The following NDST3 variants were observed in gnomAD, a reference collection of about 807,000 sequenced individuals.
NDST3 encodes N-deacetylase and N-sulfotransferase 3.
In NDST3, 58 loss-of-function variants were observed where a neutral mutation model predicts 96.1. That is an observed-to-expected ratio of 0.60 (90% confidence interval 0.49 to 0.75). The LOEUF (loss-of-function observed/expected upper bound fraction) is 0.75. NDST3 is among the 30% of genes least tolerant of loss of function. The pLI is 0.00. For synonymous variants in NDST3, 333 were observed against 359.7 expected (o/e 0.93, Z 0.84); for missense variants, 788 against 1,034.2 (o/e 0.76, Z 3.27).
chr4:118,140,743 A>G (rs997592356), intron 5 of NDST3, among the ~76,000 whole-genome samples: 1 of 152,190 alleles, frequency 6.6e-6, no homozygotes, highest in African/African-American at 2.4e-5. Context: ...GCAAACCGGG[A>G]AGAGCCCCTT....
intron 6 of NDST3, among the ~76,000 whole-genome samples, chr4:118,157,846 G>A (rs1352417313): frequency 6.6e-6 from 1 of 152,192 alleles, no homozygotes; most frequent in Non-Finnish European, 1.5e-5. Flanking sequence ...TAACATGGAT[G>A]TGTATGTAAT....
chr4:118,072,239 T>TA (rs1449370921), intron 2 of NDST3, among the ~76,000 whole-genome samples: 5 of 152,202 alleles, frequency 3.3e-5, no homozygotes, highest in African/African-American at 1.2e-4. Context: ...ATATGATTTT[T>TA]AGAGTTTTTT....
Position 118,161,108 on chromosome 4 carries a change from G to C in NDST3, c.1539+17424G>C, listed in dbSNP as rs562074678. ...CTAACAGACAGGACCCTCAGCTAGA[G>C]GTCTGTTGGAGTTTGCTAGAGGTCC... On this transcript the variant is annotated intron_variant, in intron 6 of 13. Coordinates refer to ENST00000296499, the MANE Select transcript of NDST3 (RefSeq NM_004784.3). Among the ~76,000 whole-genome samples, 4 of 152,358 alleles carry C rather than the reference G, an allele frequency of 2.6e-5. No individual in the cohort carries two copies. The East Asian group carries it at 7.7e-4, about 29-fold the overall frequency.
chr4:118,157,834 C>T (rs551722450), intron 6 of NDST3, among the ~76,000 whole-genome samples: 1 of 152,068 alleles, frequency 6.6e-6, no homozygotes, highest in South Asian at 2.1e-4. Flanking sequence ...AACAAATAAA[C>T]CTAACATGGA....
In NDST3 at chr4:118,053,863, AC is replaced by A; in HGVS notation, c.-47del. The A allele has an allele frequency of 6.6e-7, 1 of 1,523,550 alleles. No homozygotes were observed. Among genetic ancestry groups the A allele is most frequent in the Non-Finnish European group, 8.8e-7 (1 of 1,140,012 alleles). 94.4% of individuals were successfully genotyped at this position (1,523,550 alleles called of 1,614,324 possible). ...AGCTGGAACACCATCTTTTCTTTTA[AC>A]TTTTTATGGTGCTTCTGTTGGCATA... On this transcript the variant is annotated 5_prime_UTR_variant, in exon 2 of 14. Coordinates refer to ENST00000296499, the MANE Select transcript of NDST3 (RefSeq NM_004784.3).
chr4:118,098,527 G>C lies in NDST3; in HGVS notation c.982-6491G>C, dbSNP rs553703471. On this transcript the variant is annotated intron_variant, in intron 2 of 13. Transcript: ENST00000296499. ...TTTCCCCACTAACCTGTCATTATTT[G>C]CCAATTTCAGCTCAAGAACTCCTCT... Among the ~76,000 whole-genome samples the C allele has an allele frequency of 2.6e-5, 4 of 152,042 alleles. No homozygotes were observed. In the South Asian group the frequency reaches 8.3e-4, roughly 31 times the overall value.
chr4:118,047,811 T>TA (rs1724855674), intron 1 of NDST3, among the ~76,000 whole-genome samples: 1 of 152,052 alleles, frequency 6.6e-6, no homozygotes. Flanking sequence ...ACTGGGAAAA[T>TA]ATATTTGAGT....
At chr4:118,253,648 C>A in intron 13 of NDST3, 47 bp downstream of exon 13, 1 of 1,230,806 alleles carries the variant, frequency 8.1e-7, no homozygotes, top group Non-Finnish European at 1.2e-6. Flanking sequence ...AAAATGGTAA[C>A]CAATAATATC....
At chr4:118,127,288 T>C (rs1380663379) in intron 4 of NDST3, among the ~76,000 whole-genome samples, 2 of 152,014 alleles carry the variant, frequency 1.3e-5, no homozygotes, top group Middle Eastern at 3.2e-3. Context: ...TCTTGGAGAG[T>C]TTCCCCCATG....
At chr4:118,037,123 G>A (rs796544480) in intron 1 of NDST3, among the ~76,000 whole-genome samples, 5 of 152,232 alleles carry the variant, frequency 3.3e-5, no homozygotes, top group African/African-American at 7.2e-5. Flanking sequence ...CCTGAAAAAT[G>A]AGGATTCCAG....
chr4:118,131,934 G>T (rs1732656084), intron 4 of NDST3, among the ~76,000 whole-genome samples: 1 of 152,078 alleles, frequency 6.6e-6, no homozygotes, highest in African/African-American at 2.4e-5. Flanking sequence ...GTGCTGAGCT[G>T]CCTGGAACTG....
intron 1 of NDST3, among the ~76,000 whole-genome samples, chr4:118,043,362 G>A (rs1453341359): frequency 6.6e-6 from 1 of 152,194 alleles, no homozygotes; most frequent in Non-Finnish European, 1.5e-5. Flanking sequence ...GGCACAAGTG[G>A]TGCAATGATA....
At chr4:118,091,693 T>TAC (rs1728879228) in intron 2 of NDST3, among the ~76,000 whole-genome samples, 1 of 151,396 alleles carries the variant, frequency 6.6e-6, no homozygotes, top group Non-Finnish European at 1.5e-5. Context: ...ACTCCTGGGA[T>TAC]CTCTACCCTT....
At chr4:118,161,846 C>T (rs1428454438) in intron 6 of NDST3, among the ~76,000 whole-genome samples, 1 of 152,170 alleles carries the variant, frequency 6.6e-6, no homozygotes, top group Non-Finnish European at 1.5e-5. Flanking sequence ...ATGCTTCACC[C>T]TGCTTCTGCT....
chr4:118,178,567 G>GTATT (rs1264030705), intron 6 of NDST3, among the ~76,000 whole-genome samples: 1 of 151,982 alleles, frequency 6.6e-6, no homozygotes, highest in Non-Finnish European at 1.5e-5. Context: ...CACATTTGGT[G>GTATT]TATTCATTCA....
chr4:118,119,285 T>C, intron 4 of NDST3, among the ~76,000 whole-genome samples: 1 of 152,322 alleles, frequency 6.6e-6, no homozygotes, highest in Middle Eastern at 3.4e-3. Context: ...GATTATAGTA[T>C]CAAAATGTAA....
intron 12 of NDST3, among the ~76,000 whole-genome samples, chr4:118,253,078 C>T (rs1382768354): frequency 6.6e-6 from 1 of 152,122 alleles, no homozygotes; most frequent in Non-Finnish European, 1.5e-5. Context: ...TTGTATGATA[C>T]AAGTAGCATC....
Position 118,054,118 on chromosome 4 carries a change from CT to C in NDST3, c.213del (p.Phe71LeufsTer11). 1 of 1,612,858 alleles carries C rather than the reference CT, an allele frequency of 6.2e-7. No homozygotes were observed. The highest frequency in any genetic ancestry group is 8.5e-7 in the Non-Finnish European group (1 of 1,179,270). ...YQLMEVKAMK[L>X]FDASRTDPTV... is the part of the protein sequence containing the mutation. ...ACTAATGGAAGTGAAAGCAATGAAG[CT>C]TTTTGATGCCTCAAGGACAGACCCC... is the stretch of plus-strand genomic sequence containing the variant. On this transcript the variant is annotated frameshift_variant, in exon 2 of 14. Transcript: ENST00000296499. LOFTEE classifies it high-confidence loss of function.
At chr4:118,224,270 A>T (rs1739728776) in intron 6 of NDST3, among the ~76,000 whole-genome samples, 1 of 152,146 alleles carries the variant, frequency 6.6e-6, no homozygotes, top group African/African-American at 2.4e-5. Flanking sequence ...AAATATAAGA[A>T]AATTTCAGGG....
Sources: gnomAD v4.1 joint callset for allele counts (sites outside exome capture counted in the v4.1 genomes callset) on GRCh38, gnomAD v4.1.1 for gene constraint, MANE v1.5 for transcripts, NCBI Gene and HGNC (gene_info 2026-07-23, HGNC 2026-07-21) for gene names.